Variants in FAM3B observed in about 807,000 individuals in gnomAD.
FAM3B encodes protein FAM3B.
FAM3B carries 29 observed loss-of-function variants against 28.4 expected under a neutral mutation model. The ratio of observed to expected loss-of-function variants is 1.02; its 90% CI spans 0.76 to 1.39. The LOEUF is 1.39. Ranked by LOEUF, FAM3B falls within the 40% of genes most tolerant of loss-of-function variation. The pLI is 0.00. For synonymous variants in FAM3B, 91 were observed against 103.0 expected (o/e 0.88, Z 0.71); for missense variants, 266 against 293.9 (o/e 0.91, Z 0.69).
chr21:41,311,501 AT>A (rs1260986622), intron 1 of FAM3B, among the ~76,000 whole-genome samples: 1 of 151,500 alleles, frequency 6.6e-6, no homozygotes, highest in African/African-American at 2.4e-5. Context: ...TAATATATTA[AT>A]TCACTTAGAA....
At chr21:41,333,710 G>C (rs1268343864) in intron 2 of FAM3B, among the ~76,000 whole-genome samples, 1 of 152,198 alleles carries the variant, frequency 6.6e-6, no homozygotes, top group Non-Finnish European at 1.5e-5. Context: ...GTGGAGCATT[G>C]CTATAAAGAT....
chr21:41,332,653 A>AT (rs932931099), intron 2 of FAM3B, among the ~76,000 whole-genome samples: 5 of 151,862 alleles, frequency 3.3e-5, no homozygotes, highest in Non-Finnish European at 5.9e-5. Flanking sequence ...TGGTCCTGGG[A>AT]TTTTTTTTGA....
In FAM3B at chr21:41,349,058, G is replaced by A. The variant is rs777045677; in HGVS notation, c.618+334G>A. Among the ~76,000 whole-genome samples, 12 of 152,316 alleles carry A rather than the reference G, an allele frequency of 7.9e-5. 1 individual carries two copies. Among genetic ancestry groups the A allele is most frequent in the East Asian group, 1.9e-4 (1 of 5,184 alleles). ...AGCTCACCTCTTAGGATGGCTGAGAGCATGAACAGACATGGTGAATGCAAA... is the reference window on the plus strand; with the variant it reads ...AGCTCACCTCTTAGGATGGCTGAGAACATGAACAGACATGGTGAATGCAAA... On this transcript the variant is annotated intron_variant, in intron 7 of 7. Coordinates refer to ENST00000357985, the MANE Select transcript of FAM3B (RefSeq NM_058186.4).
chr21:41,336,590 TAAAAC>T (rs1164553425), intron 2 of FAM3B, among the ~76,000 whole-genome samples: 1 of 152,232 alleles, frequency 6.6e-6, no homozygotes, highest in Non-Finnish European at 1.5e-5. Flanking sequence ...GGTATTTTTT[TAAAAC>T]AGCCTGAACA....
At chr21:41,344,999 C>A (rs2089043077) in intron 4 of FAM3B, among the ~76,000 whole-genome samples, 1 of 152,232 alleles carries the variant, frequency 6.6e-6, no homozygotes, top group African/African-American at 2.4e-5. Context: ...TCACAGTTGC[C>A]TTTGAGGGGC....
chr21:41,357,297 G>T lies in FAM3B; in HGVS notation c.*100G>T. On this transcript the variant is annotated 3_prime_UTR_variant, in exon 8 of 8. Transcript: ENST00000357985. ...AAATCCAACAGCCCATATTTGATGA[G>T]TATTTTGGGTTTGTTGTAAACCAAT... 1 of 719,762 alleles carries T rather than the reference G, an allele frequency of 1.4e-6. No homozygotes were observed. The highest frequency in any genetic ancestry group is 2.2e-6 in the Non-Finnish European group (1 of 452,452). 44.6% of individuals were successfully genotyped at this position (719,762 alleles called of 1,614,324 possible). A position where few individuals can be genotyped will look rare whatever the true frequency, so the allele number is the denominator to read the frequency against.
At chr21:41,319,562 A>G (rs2088782438) in intron 1 of FAM3B, 1 of 152,354 alleles carries the variant, frequency 6.6e-6, no homozygotes, top group African/African-American at 2.4e-5. Flanking sequence ...GGGCAGGCCC[A>G]CTGGGGCTCC....
At position 41,316,821 on chromosome 21, in the gene FAM3B, G is replaced by A; in HGVS notation, c.-59G>A. On this transcript the variant is annotated 5_prime_UTR_variant, in exon 1 of 8. Transcript: ENST00000357985. ...CTTGCCTTCCTGACCCAGGGGCTCCGCTGGCTGCGGTCGCCTGGGAGCTGC... is the reference window on the plus strand; with the variant it reads ...CTTGCCTTCCTGACCCAGGGGCTCCACTGGCTGCGGTCGCCTGGGAGCTGC... 2 of 1,418,750 alleles carry A rather than the reference G, an allele frequency of 1.4e-6. No individual in the cohort carries two copies. The highest frequency in any genetic ancestry group is 3.0e-5 in the Admixed American group (1 of 33,408). 87.9% of individuals were successfully genotyped at this position (1,418,750 alleles called of 1,614,324 possible).
intron 1 of FAM3B, among the ~76,000 whole-genome samples, chr21:41,311,245 AAAAAAAATATATATATATATAT>A (rs2088708931): frequency 1.5e-5 from 1 of 66,146 alleles, no homozygotes; most frequent in Non-Finnish European, 2.8e-5. Context: ...ACAAAAAAAA[AAAAAAAATATATATATATATAT>A]ATATATATAT....
intron 7 of FAM3B, among the ~76,000 whole-genome samples, chr21:41,355,836 A>G (rs547582884): frequency 1.1e-4 from 16 of 152,336 alleles, no homozygotes; most frequent in Admixed American, 2.0e-4. Flanking sequence ...TATGTGAATT[A>G]TATCCCAGTA....
At chr21:41,312,205 G>A (rs182636527), upstream of FAM3B, among the ~76,000 whole-genome samples, 58 of 152,280 alleles carry the variant, frequency 3.8e-4, no homozygotes, top group African/African-American at 1.3e-3. Context: ...AACTTGATGC[G>A]TGGTAGTTTA....
At chr21:41,316,983 A>G in intron 1 of FAM3B, 85 bp downstream of exon 1, 4 of 1,165,758 alleles carry the variant, frequency 3.4e-6, no homozygotes, top group Non-Finnish European at 4.4e-6. Flanking sequence ...CCTGCCTGGG[A>G]CCCGCCACGC....
Position 41,316,872 on chromosome 21 carries a change from C to A in FAM3B, c.-8C>A. The stretch of plus-strand genomic sequence containing the variant: ...CGCCAGGGCCAGGAGGGGAGCGGCA[C>A]CTGGAAGATGCGCCCATTGGCTGGT... On this transcript the variant is annotated 5_prime_UTR_variant, in exon 1 of 8. Transcript: ENST00000357985. 2 of 1,416,520 alleles carry A rather than the reference C, an allele frequency of 1.4e-6. No individual in the cohort carries two copies. The highest frequency in any genetic ancestry group is 1.8e-6 in the Non-Finnish European group (2 of 1,087,272). The allele number at this position is 1,416,520 out of a possible 1,614,324, so 87.7% of individuals were successfully genotyped here. A position where few individuals can be genotyped will look rare whatever the true frequency, so the allele number is the denominator to read the frequency against.
intron 1 of FAM3B, among the ~76,000 whole-genome samples, chr21:41,311,247 AAAAAATATATATATATATAT>A (rs1462956356): frequency 3.2e-5 from 2 of 63,458 alleles, no homozygotes; most frequent in African/African-American, 6.2e-5. Flanking sequence ...AAAAAAAAAA[AAAAAATATATATATATATAT>A]ATATATATAT....
In FAM3B at chr21:41,326,716, C is replaced by T. The variant is rs1048762866; in HGVS notation, c.163+3650C>T. ...ATGGCCCCGCTGGAGACGCCAGCACCAGCCCTTTGGGTGAGTGTCCTGGGT... is the reference window on the plus strand; with the variant it reads ...ATGGCCCCGCTGGAGACGCCAGCACTAGCCCTTTGGGTGAGTGTCCTGGGT... On this transcript the variant is annotated intron_variant, in intron 2 of 7. Transcript: ENST00000357985. This position sits in a 1 kb window ranked among gnomAD's most constrained non-coding sequence, Gnocchi z 4.0. Among the ~76,000 whole-genome samples, 1 of 152,240 alleles carries T rather than the reference C, an allele frequency of 6.6e-6. No homozygotes were observed. The highest frequency in any genetic ancestry group is 1.5e-5 in the Non-Finnish European group (1 of 68,044).
intron 7 of FAM3B, among the ~76,000 whole-genome samples, chr21:41,356,359 C>A (rs748366581): frequency 2.0e-5 from 3 of 152,142 alleles, no homozygotes; most frequent in African/African-American, 7.2e-5. Context: ...ATACCTTAAA[C>A]ATGCTCAGAA....
At chr21:41,343,618 C>A (rs1476493478) in intron 3 of FAM3B, among the ~76,000 whole-genome samples, 2 of 152,234 alleles carry the variant, frequency 1.3e-5, no homozygotes, top group East Asian at 3.9e-4. Flanking sequence ...AAGGAGGAAG[C>A]CTTCCAAATT....
At chr21:41,328,147 G>A (rs565796423) in intron 2 of FAM3B, among the ~76,000 whole-genome samples, 31 of 152,314 alleles carry the variant, frequency 2.0e-4, no homozygotes, top group Non-Finnish European at 3.4e-4. Flanking sequence ...AGGTCTGTGC[G>A]CTTGTGAAGG....
intron 1 of FAM3B, among the ~76,000 whole-genome samples, chr21:41,308,577 TTGCCCAGGCTGGAG>T (rs2088694071): frequency 6.7e-6 from 1 of 148,854 alleles, no homozygotes; most frequent in Non-Finnish European, 1.5e-5. Context: ...TTCACTCTTG[TTGCCCAGGCTGGAG>T]TGCAGTGGTG....
Sources: allele counts gnomAD v4.1 joint callset (sites outside exome capture counted in the v4.1 genomes callset), GRCh38; gene constraint gnomAD v4.1.1; non-coding constraint Gnocchi (gnomAD v3.1); transcripts MANE v1.5; gene names NCBI Gene and HGNC (gene_info 2026-07-23, HGNC 2026-07-21).